Variants in DDX60L observed in about 807,000 individuals in gnomAD.
DDX60L encodes the protein DExD/H-box 60 like, also known as probable ATP-dependent RNA helicase DDX60-like.
In DDX60L, 191 loss-of-function variants were observed where a neutral mutation model predicts 211.6. That is an observed-to-expected ratio of 0.90 (90% CI 0.80 to 1.02). DDX60L has a LOEUF of 1.02. Among genes scored for constraint, DDX60L ranks in the 50% least tolerant of loss-of-function variants. The pLI is 0.00. For synonymous variants in DDX60L, 706 were observed against 694.1 expected (o/e 1.02, Z -0.27); for missense variants, 2,007 against 1,984.1 (o/e 1.01, Z -0.22).
At chr4:168,442,612 G>A (rs1754076696) in intron 9 of DDX60L, among the ~76,000 whole-genome samples, 3 of 152,228 alleles carry the variant, frequency 2.0e-5, no homozygotes, top group African/African-American at 7.2e-5. Context: ...AACCTCTGCA[G>A]ACTTAAATGT....
At chr4:168,463,887 G>T (rs1757641770) in intron 4 of DDX60L, among the ~76,000 whole-genome samples, 1 of 152,116 alleles carries the variant, frequency 6.6e-6, no homozygotes, top group Non-Finnish European at 1.5e-5. Flanking sequence ...CATTCAATCT[G>T]TAATTTTTAA....
At position 168,357,932 on chromosome 4, in the gene DDX60L, T is replaced by C. The variant is rs1481734765; in HGVS notation, c.*215A>G. The stretch of plus-strand genomic sequence containing the variant: ...TCCTCAAAACAACTAGAGGTATTCA[T>C]TTTTACTCCGGTTTTGCCAAAAATG... On this transcript the variant is annotated 3_prime_UTR_variant, in exon 38 of 38. Coordinates refer to ENST00000682922, the MANE Select transcript of DDX60L (RefSeq NM_001012967.3). The C allele has an allele frequency of 4.5e-6, 2 of 444,072 alleles. No homozygotes were observed. Among genetic ancestry groups the C allele is most frequent in the Non-Finnish European group, 8.0e-6 (2 of 250,946 alleles). 27.5% of individuals were successfully genotyped at this position (444,072 alleles called of 1,614,324 possible).
At chr4:168,427,408 A>T in intron 13 of DDX60L, 86 bp from the exon 14 acceptor site, 4 of 1,418,118 alleles carry the variant, frequency 2.8e-6, no homozygotes, top group Non-Finnish European at 3.8e-6. Flanking sequence ...TTGTGCACTT[A>T]CTGAGGACTC....
At chr4:168,452,454 T>C (rs1412483586) in intron 8 of DDX60L, among the ~76,000 whole-genome samples, 3 of 152,216 alleles carry the variant, frequency 2.0e-5, no homozygotes, top group African/African-American at 7.2e-5. Context: ...GCTAACCAGC[T>C]TGAGTGAATG....
intron 31 of DDX60L, 53 bp downstream of exon 31, chr4:168,379,670 AAAG>A (rs1742589104): frequency 2.1e-6 from 3 of 1,410,898 alleles, no homozygotes; most frequent in South Asian, 2.5e-5. Context: ...TTTAGCATAG[AAAG>A]AAGTTTACAC....
At chr4:168,358,442 C>T (rs1738498705) in intron 37 of DDX60L, among the ~76,000 whole-genome samples, 166 bp from the exon 38 acceptor site, 1 of 151,614 alleles carries the variant, frequency 6.6e-6, no homozygotes, top group Non-Finnish European at 1.5e-5. Context: ...CTTGTAAAAT[C>T]TTTACAACAT....
intron 7 of DDX60L, among the ~76,000 whole-genome samples, chr4:168,455,131 T>TACTA (rs967287208): frequency 2.0e-5 from 3 of 152,234 alleles, no homozygotes; most frequent in African/African-American, 7.2e-5. Context: ...TCCTATAGAA[T>TACTA]ACTAACTTCT....
chr4:168,438,819 T>G (rs1305870265), intron 10 of DDX60L, among the ~76,000 whole-genome samples: 1 of 152,218 alleles, frequency 6.6e-6, no homozygotes, highest in Non-Finnish European at 1.5e-5. Flanking sequence ...TGTGACCAGT[T>G]ACAGAAATGA....
At chr4:168,358,528 T>TC (rs1738533338) in intron 37 of DDX60L, among the ~76,000 whole-genome samples, 1 of 32,398 alleles carries the variant, frequency 3.1e-5, no homozygotes, top group African/African-American at 4.7e-5. Context: ...CTTTTTCTTT[T>TC]TTTTTTTTTT....
At chr4:168,406,193 G>A in intron 23 of DDX60L, 115 bp from the exon 24 acceptor site, 1 of 992,988 alleles carries the variant, frequency 1.0e-6, no homozygotes, top group Non-Finnish European at 1.4e-6. Context: ...ACTCCTTGAG[G>A]GCAGAGGCTG....
At chr4:168,429,888 C>T (rs982364439) in intron 13 of DDX60L, among the ~76,000 whole-genome samples, 8 of 152,168 alleles carry the variant, frequency 5.3e-5, no homozygotes, top group African/African-American at 1.7e-4. Flanking sequence ...CCCCCTTTGT[C>T]TTCTATCATG....
chr4:168,375,240 A>T (rs1741745278), intron 34 of DDX60L, 137 bp downstream of exon 34: 2 of 838,318 alleles, frequency 2.4e-6, no homozygotes. Flanking sequence ...TTTTCTGGGG[A>T]TAAAACACTT....
chr4:168,440,378 T>C (rs1284776753), intron 10 of DDX60L, among the ~76,000 whole-genome samples: 4 of 152,240 alleles, frequency 2.6e-5, no homozygotes, highest in Non-Finnish European at 4.4e-5. Context: ...ATACTTGAAG[T>C]GAATAAATGC....
chr4:168,379,887 A>T, intron 30 of DDX60L, 57 bp from the exon 31 acceptor site: 2 of 1,239,458 alleles, frequency 1.6e-6, no homozygotes, highest in Non-Finnish European at 2.3e-6. Context: ...GTAAATACTG[A>T]TATGTAATAA....
intron 5 of DDX60L, among the ~76,000 whole-genome samples, chr4:168,458,251 C>T (rs1756857848): frequency 6.6e-6 from 1 of 152,092 alleles, no homozygotes; most frequent in Admixed American, 6.6e-5. Flanking sequence ...GTGGCAATTC[C>T]TCAAAGACTT....
At chr4:168,456,917 A>AT (rs1161466290) in intron 6 of DDX60L, among the ~76,000 whole-genome samples, 1 of 152,168 alleles carries the variant, frequency 6.6e-6, no homozygotes, top group African/African-American at 2.4e-5. Context: ...GTACACTAAA[A>AT]ATATATATAC....
At chr4:168,447,909 G>A (rs889828082) in intron 9 of DDX60L, among the ~76,000 whole-genome samples, 11 of 147,834 alleles carry the variant, frequency 7.4e-5, no homozygotes, top group African/African-American at 2.0e-4. Context: ...GGATAGCATC[G>A]GGAGATATAC....
intron 9 of DDX60L, among the ~76,000 whole-genome samples, chr4:168,447,085 T>A: frequency 5.3e-5 from 6 of 113,670 alleles, no homozygotes; most frequent in African/African-American, 1.2e-4. Flanking sequence ...ACCATCAGAG[T>A]GAACAGGCAA....
At chr4:168,415,183 T>C (rs1749331356) in intron 22 of DDX60L, among the ~76,000 whole-genome samples, 1 of 151,822 alleles carries the variant, frequency 6.6e-6, no homozygotes, top group African/African-American at 2.4e-5. Context: ...CATGTCTGTA[T>C]CAAAATATCT....
Sources: gnomAD v4.1 joint callset for allele counts (sites outside exome capture counted in the v4.1 genomes callset) on GRCh38, gnomAD v4.1.1 for gene constraint, MANE v1.5 for transcripts, NCBI Gene and HGNC (gene_info 2026-07-23, HGNC 2026-07-21) for gene names.